The following AXIN1 variants were observed in gnomAD, a reference collection of about 807,000 sequenced individuals.
AXIN1 encodes axin-1.
In AXIN1, 30 loss-of-function variants were observed where a neutral mutation model predicts 76.4. The observed-to-expected ratio is 0.39, with a 90% confidence interval of 0.29 to 0.53. AXIN1 has a LOEUF of 0.53. Ranked by LOEUF, AXIN1 falls within the 20% of genes least tolerant of loss-of-function variation. The pLI, the probability that AXIN1 is intolerant of heterozygous loss-of-function variation, is 0.66. For synonymous variants in AXIN1, 545 were observed against 501.4 expected (o/e 1.09, Z -1.16); for missense variants, 1,140 against 1,198.8 (o/e 0.95, Z 0.72).
intron 2 of AXIN1, among the ~76,000 whole-genome samples, chr16:340,088 C>A (rs2053887096): frequency 6.6e-6 from 1 of 151,834 alleles, no homozygotes; most frequent in Non-Finnish European, 1.5e-5. Context: ...CCTTTTAGGC[C>A]ATTACCAGAA....
chr16:299,416 G>A (rs796529794), intron 5 of AXIN1, among the ~76,000 whole-genome samples: 12 of 152,210 alleles, frequency 7.9e-5, no homozygotes, highest in Non-Finnish European at 8.8e-5. Flanking sequence ...GCAGTGGCAC[G>A]ATCTTGGCTC....
In AXIN1 at chr16:346,209, G is replaced by A; in HGVS notation, c.817C>T (p.Leu273=). 1 of 1,614,084 alleles carries A rather than the reference G, an allele frequency of 6.2e-7. No individual in the cohort carries two copies. Among genetic ancestry groups the A allele is most frequent in the Non-Finnish European group, 8.5e-7 (1 of 1,180,034 alleles). ...PPGRLPQKLL[L]ETAAPRVSSS... ...GAGACCCTCGGGGCAGCTGTCTCCA[G>A]GAGCAGCTTCTGAGGGAGTCTTCCG... The change falls in exon 2 of 11, where the codon CTG becomes TTG. Residue 273 remains leucine (L), a synonymous_variant. Coordinates refer to ENST00000262320, the MANE Select transcript of AXIN1 (RefSeq NM_003502.4).
intron 10 of AXIN1, 22 bp from the exon 11 acceptor site, chr16:288,270 G>A (rs966011955): frequency 9.3e-6 from 15 of 1,613,220 alleles, no homozygotes; most frequent in East Asian, 2.2e-5. Flanking sequence ...AGGTGAGGAG[G>A]GCAGTGAGCA....
chr16:346,013 A>G, intron 2 of AXIN1, 135 bp downstream of exon 2: 3 of 829,458 alleles, frequency 3.6e-6, no homozygotes, highest in Admixed American at 2.2e-5. Context: ...AAATAAGAAC[A>G]GAACCAAAAT....
At chr16:320,853 C>T (rs1159240722) in intron 2 of AXIN1, among the ~76,000 whole-genome samples, 1 of 110,996 alleles carries the variant, frequency 9.0e-6, no homozygotes, top group Non-Finnish European at 1.9e-5. Context: ...GATTCTCCTG[C>T]CTCAGCCTCC....
chr16:290,835 G>C (rs1000089748), intron 9 of AXIN1: 1 of 403,994 alleles, frequency 2.5e-6, no homozygotes, highest in Non-Finnish European at 4.7e-6. Context: ...GTCAAGTCAG[G>C]CCTGGCAGGG....
Position 291,185 on chromosome 16 carries a change from C to A in AXIN1, c.2294+5G>T, listed in dbSNP as rs761244199. ...GGACCGGGAGGACCCTCAGGACGCA[C>A]GTACTCTGTCTCGGAGAGCTCCATG... On this transcript the variant is annotated splice_donor_5th_base_variant and intron_variant, in intron 9 of 10. Coordinates refer to ENST00000262320, the MANE Select transcript of AXIN1 (RefSeq NM_003502.4). 6.3e-7 allele frequency: 1 copy of A among 1,575,534 alleles called. No individual in the cohort carries two copies. The highest frequency in any genetic ancestry group is 1.2e-5 in the South Asian group (1 of 86,364).
chr16:319,164 T>G (rs190342319), intron 2 of AXIN1, among the ~76,000 whole-genome samples: 1 of 152,094 alleles, frequency 6.6e-6, no homozygotes, highest in African/African-American at 2.4e-5. Flanking sequence ...CTCGCAACTC[T>G]TCTGTGTGTT....
chr16:324,122 G>A (rs1472099761), intron 2 of AXIN1, among the ~76,000 whole-genome samples: 2 of 152,176 alleles, frequency 1.3e-5, no homozygotes, highest in African/African-American at 2.4e-5. Context: ...AAATACCCGG[G>A]ACCGTCCGCA....
At chr16:310,440 A>G (rs575862792) in intron 3 of AXIN1, among the ~76,000 whole-genome samples, 1 of 152,088 alleles carries the variant, frequency 6.6e-6, no homozygotes, top group African/African-American at 2.4e-5. Context: ...TCTGTCGCCC[A>G]GGCTGGAGTG....
intron 2 of AXIN1, among the ~76,000 whole-genome samples, chr16:327,507 C>T (rs1297403206): frequency 6.6e-6 from 1 of 152,260 alleles, no homozygotes; most frequent in Admixed American, 6.5e-5. Context: ...GTGCCCCCAC[C>T]CACTCACTGT....
chr16:311,743 T>C (rs974902358), intron 3 of AXIN1, among the ~76,000 whole-genome samples: 37 of 151,758 alleles, frequency 2.4e-4, no homozygotes, highest in African/African-American at 8.2e-4. Context: ...TGCACTCCAG[T>C]CTGGGCAACA....
chr16:289,067 G>C (rs1345256275), intron 10 of AXIN1, among the ~76,000 whole-genome samples: 11 of 151,388 alleles, frequency 7.3e-5, no homozygotes, highest in Non-Finnish European at 1.2e-4. Context: ...GAAATGGCCG[G>C]AAGCCCTTTT....
In AXIN1 at chr16:297,799, G is replaced by A. The variant is rs757938808; in HGVS notation, c.1707C>T (p.His569=). The A allele has an allele frequency of 1.3e-6, 2 of 1,566,478 alleles. No homozygotes were observed. The highest frequency in any genetic ancestry group is 2.3e-5 in the East Asian group (1 of 44,330). ...AGCCTCGGGACCTTGCCCCATGGCTGTGTGGTTCCAGGCCCCAGGCGAAGC... is the reference window on the plus strand; with the variant it reads ...AGCCTCGGGACCTTGCCCCATGGCTATGTGGTTCCAGGCCCCAGGCGAAGC... ...QSSFAWGLEP[H]SHGARSRGYS... The change falls in exon 6 of 11, where the codon CAC becomes CAT. Residue 569 remains histidine, a synonymous_variant. Transcript: ENST00000262320.
intron 3 of AXIN1, among the ~76,000 whole-genome samples, chr16:311,177 C>T (rs1188841777): frequency 6.6e-6 from 1 of 151,484 alleles, no homozygotes; most frequent in African/African-American, 2.4e-5. Flanking sequence ...CTACAGGTGC[C>T]CGCCACCACG....
At chr16:322,424 G>A (rs1057247684) in intron 2 of AXIN1, among the ~76,000 whole-genome samples, 1 of 152,222 alleles carries the variant, frequency 6.6e-6, no homozygotes, top group African/African-American at 2.4e-5. Context: ...GGGGACAGAT[G>A]TGCTCCTACG....
Position 346,452 on chromosome 16 carries a change from T to C in AXIN1, c.574A>G (p.Thr192Ala). 5.0e-6 allele frequency: 8 copies of C among 1,614,248 alleles called. No individual in the cohort carries two copies. Among genetic ancestry groups the C allele is most frequent in the Non-Finnish European group, 6.8e-6 (8 of 1,180,048 alleles). The change falls in exon 2 of 11, where the codon ACT becomes GCT. Residue 192 changes from threonine to alanine, a missense_variant. By Grantham distance (58) the Thr-to-Ala change is moderately conservative (BLOSUM62 0). Transcript: ENST00000262320. ...FDQAQTEIQA[T>A]MEENTYPSFL... ...GAGGGATAGGTGTTTTCCTCCATAGTGGCCTGGATTTCGGTCTGGGCCTGG... is the reference window on the plus strand; with the variant it reads ...GAGGGATAGGTGTTTTCCTCCATAGCGGCCTGGATTTCGGTCTGGGCCTGG...
At chr16:294,435 C>T (rs186331246) in intron 7 of AXIN1, among the ~76,000 whole-genome samples, 4 of 136,902 alleles carry the variant, frequency 2.9e-5, no homozygotes, top group Non-Finnish European at 6.1e-5. Flanking sequence ...TGCACTCCAG[C>T]CTAGGCAAGA....
At chr16:345,867 T>G (rs1262929318) in intron 2 of AXIN1, among the ~76,000 whole-genome samples, 1 of 152,230 alleles carries the variant, frequency 6.6e-6, no homozygotes, top group Non-Finnish European at 1.5e-5. Flanking sequence ...AAGGGTAAAG[T>G]TTACATGTCA....
Sources: gnomAD v4.1 joint callset for allele counts (sites outside exome capture counted in the v4.1 genomes callset) on GRCh38, gnomAD v4.1.1 for gene constraint, MANE v1.5 for transcripts, NCBI Gene and HGNC (gene_info 2026-07-23, HGNC 2026-07-21) for gene names.